Variants in STK10 observed in about 807,000 individuals in gnomAD.
STK10 encodes serine/threonine-protein kinase 10.
In STK10, 78 loss-of-function variants were observed where a neutral mutation model predicts 113.8. The observed-to-expected ratio is 0.69, with a 90% confidence interval of 0.57 to 0.83. STK10 has a LOEUF of 0.83. Among genes scored for constraint, STK10 ranks in the 40% least tolerant of loss-of-function variants. STK10 has a pLI of 0.00. For synonymous variants in STK10, 465 were observed against 494.7 expected, an observed-to-expected ratio of 0.94 and a Z score of 0.80; for missense variants, 1,109 against 1,280.1, an observed-to-expected ratio of 0.87 and a Z score of 2.04.
chr5:172,054,521 G>T, intron 17 of STK10, 48 bp downstream of exon 17: 8 of 1,591,036 alleles, frequency 5.0e-6, no homozygotes, highest in Non-Finnish European at 6.0e-6. Context: ...TGGCCTTGGG[G>T]AAACTGAGGC....
At chr5:172,064,876 C>A (rs1036434132) in intron 12 of STK10, 64 bp from the exon 13 acceptor site, 1 of 1,567,792 alleles carries the variant, frequency 6.4e-7, no homozygotes, top group Non-Finnish European at 8.7e-7. Flanking sequence ...ACAGTATAAT[C>A]TTCAACGCAG....
intron 8 of STK10, among the ~76,000 whole-genome samples, chr5:172,095,069 C>T (rs1252526374): frequency 6.6e-6 from 1 of 152,224 alleles, no homozygotes; most frequent in Non-Finnish European, 1.5e-5. Context: ...TGCTCTCCCA[C>T]CTCTTGACAT....
chr5:172,088,275 C>T (rs1249429810), intron 10 of STK10, among the ~76,000 whole-genome samples: 1 of 151,976 alleles, frequency 6.6e-6, no homozygotes, highest in Non-Finnish European at 1.5e-5. Context: ...TCTGTAATTC[C>T]AGCACTTTGG....
intron 2 of STK10, among the ~76,000 whole-genome samples, chr5:172,141,262 T>C (rs1023622408): frequency 1.1e-4 from 17 of 152,162 alleles, no homozygotes; most frequent in Admixed American, 9.2e-4. Flanking sequence ...AGTCTCACGC[T>C]AAGTGTTCTT....
chr5:172,164,077 T>C (rs1348195358), intron 1 of STK10, among the ~76,000 whole-genome samples: 2 of 151,976 alleles, frequency 1.3e-5, no homozygotes, highest in Non-Finnish European at 2.9e-5. Context: ...CTGGGCGTGA[T>C]GGTGCATGCC....
chr5:172,115,719 T>G (rs1769368339), intron 4 of STK10, among the ~76,000 whole-genome samples: 1 of 152,240 alleles, frequency 6.6e-6, no homozygotes, highest in South Asian at 2.1e-4. Flanking sequence ...TGACCTTGGA[T>G]AAGTCAGTCT....
intron 1 of STK10, among the ~76,000 whole-genome samples, chr5:172,181,179 C>T (rs1770848547): frequency 6.6e-6 from 1 of 152,248 alleles, no homozygotes; most frequent in Admixed American, 6.5e-5. Context: ...CACCCACATC[C>T]ACCCATGTGG....
At chr5:172,070,174 G>T (rs1768144838) in intron 12 of STK10, among the ~76,000 whole-genome samples, 1 of 151,898 alleles carries the variant, frequency 6.6e-6, no homozygotes, top group Non-Finnish European at 1.5e-5. Context: ...CTTGAACCCG[G>T]GAGGCAGAGG....
chr5:172,087,698 G>A lies in STK10; in HGVS notation c.1685+2534C>T, dbSNP rs569395242. ...CTGCGGACTGCAGTGGCGCAATCTCGGCTCACTGCAAGCTCCGCCTCCCGG... is the reference window on the plus strand; with the variant it reads ...CTGCGGACTGCAGTGGCGCAATCTCAGCTCACTGCAAGCTCCGCCTCCCGG... On this transcript the variant is annotated intron_variant, in intron 10 of 18. Coordinates refer to ENST00000176763, the MANE Select transcript of STK10 (RefSeq NM_005990.4). 5.7e-3 allele frequency among the ~76,000 whole-genome samples: 572 copies of A among 99,896 alleles called. 54 individuals carry two copies. The highest frequency in any genetic ancestry group is 0.01 in the Non-Finnish European group (488 of 47,636). The allele number at this position is 99,896 out of a possible 152,430, so 65.5% of individuals were successfully genotyped here. A position where few individuals can be genotyped will look rare whatever the true frequency, so the allele number is the denominator to read the frequency against.
intron 14 of STK10, among the ~76,000 whole-genome samples, chr5:172,057,855 T>C (rs1465986833): frequency 6.6e-6 from 1 of 152,178 alleles, no homozygotes; most frequent in Non-Finnish European, 1.5e-5. Context: ...GGGGACGTCC[T>C]TGGGAGAAAC....
intron 12 of STK10, among the ~76,000 whole-genome samples, chr5:172,076,061 C>A (rs1389553529): frequency 3.3e-5 from 5 of 151,954 alleles, no homozygotes; most frequent in African/African-American, 1.2e-4. Flanking sequence ...CTCCTATGTT[C>A]TTTGGCCTAA....
intron 13 of STK10, chr5:172,061,483 G>A (rs968959900): frequency 2.2e-5 from 12 of 544,358 alleles, no homozygotes; most frequent in East Asian, 4.0e-5. Flanking sequence ...GAACAGTCTC[G>A]GTCTGTCACC....
At chr5:172,106,578 G>C (rs755475955) in intron 6 of STK10, 42 bp downstream of exon 6, 1 of 1,583,366 alleles carries the variant, frequency 6.3e-7, no homozygotes, top group East Asian at 2.3e-5. Context: ...CCCTAATCCC[G>C]GCGCAGGCAC....
At chr5:172,153,928 G>A (rs558315697) in intron 2 of STK10, among the ~76,000 whole-genome samples, 1 of 152,282 alleles carries the variant, frequency 6.6e-6, no homozygotes, top group South Asian at 2.1e-4. Context: ...AGCCTCCCCT[G>A]ACCAGATGAT....
At position 172,097,552 on chromosome 5, in the gene STK10, T is replaced by G. The variant is rs151106871; in HGVS notation, c.871-992A>C. Among the ~76,000 whole-genome samples, 725 of 152,332 alleles carry G rather than the reference T, an allele frequency of 4.8e-3. 2 individuals are homozygous for G. Among genetic ancestry groups the G allele is most frequent in the Middle Eastern group, 0.017 (5 of 294 alleles). ...GGCTTCCTTTACTCAGCGTCATGACTGTGAGATTCACCTACATTGTCGCCT... is the reference window on the plus strand; with the variant it reads ...GGCTTCCTTTACTCAGCGTCATGACGGTGAGATTCACCTACATTGTCGCCT... On this transcript the variant is annotated intron_variant, in intron 7 of 18. Coordinates refer to ENST00000176763, the MANE Select transcript of STK10 (RefSeq NM_005990.4).
At chr5:172,087,204 C>G (rs570351957) in intron 10 of STK10, among the ~76,000 whole-genome samples, 1 of 149,424 alleles carries the variant, frequency 6.7e-6, no homozygotes, top group African/African-American at 2.5e-5. Flanking sequence ...CCTCTGTCTC[C>G]TAGAGGGAGA....
At chr5:172,158,697 T>C (rs551312421) in intron 1 of STK10, among the ~76,000 whole-genome samples, 3 of 152,254 alleles carry the variant, frequency 2.0e-5, no homozygotes, top group Admixed American at 1.3e-4. Flanking sequence ...TAAAATATTC[T>C]GCCATAAAAA....
intron 12 of STK10, among the ~76,000 whole-genome samples, chr5:172,068,111 C>T (rs907212963): frequency 4.6e-5 from 7 of 152,046 alleles, no homozygotes; most frequent in Admixed American, 3.3e-4. Context: ...GAGGCTAAGG[C>T]GGGTGGATCA....
chr5:172,180,972 A>G (rs730537), intron 1 of STK10, among the ~76,000 whole-genome samples: 39,053 of 152,192 alleles, frequency 0.26, 7,293 homozygotes, highest in African/African-American at 0.53. Context: ...TTGGTTACAT[A>G]TAGAAACAGC....
Sources: gnomAD v4.1 joint callset for allele counts (sites outside exome capture counted in the v4.1 genomes callset) on GRCh38, gnomAD v4.1.1 for gene constraint, MANE v1.5 for transcripts, NCBI Gene and HGNC (gene_info 2026-07-23, HGNC 2026-07-21) for gene names.